The following PCDH15 variants were observed in gnomAD, a reference collection of about 807,000 sequenced individuals.
The protein encoded by PCDH15 is protocadherin related 15, also known as protocadherin-15.
PCDH15 carries 129 observed loss-of-function variants against 178.5 expected under a neutral mutation model. That is an observed-to-expected ratio of 0.72 (90% CI 0.63 to 0.84). The LOEUF (loss-of-function observed/expected upper bound fraction) is 0.84, where lower values mean the gene tolerates loss of function less well. Ranked by LOEUF, PCDH15 falls within the 40% of genes least tolerant of loss-of-function variation. The probability of loss-of-function intolerance (pLI) is 0.00; values close to 1 mark genes in which losing one functional copy is unlikely to be tolerated. For synonymous variants in PCDH15, 800 were observed against 732.0 expected, an observed-to-expected ratio of 1.09 and a Z score of -1.50; for missense variants, 2,230 against 2,099.9, an observed-to-expected ratio of 1.06 and a Z score of -1.21.
intron 1 of PCDH15, among the ~76,000 whole-genome samples, chr10:55,193,888 A>C (rs1840009980): frequency 6.6e-6 from 1 of 151,918 alleles, no homozygotes; most frequent in Non-Finnish European, 1.5e-5. Context: ...AATTAGGTAA[A>C]CTATGGGTCC....
intron 2 of PCDH15, among the ~76,000 whole-genome samples, chr10:54,914,752 A>G (rs1954872827): frequency 6.6e-6 from 1 of 152,214 alleles, no homozygotes; most frequent in Non-Finnish European, 1.5e-5. Flanking sequence ...AAATTCATAG[A>G]ATACTCAGCT....
At chr10:54,747,806 A>AT (rs10628733) in intron 1 of PCDH15, among the ~76,000 whole-genome samples, 17,142 of 135,394 alleles carry the variant, frequency 0.13, 1,480 homozygotes, top group Middle Eastern at 0.22. Flanking sequence ...CAATGGTTAC[A>AT]TTTTTTTTTT....
intron 2 of PCDH15, among the ~76,000 whole-genome samples, chr10:55,034,564 G>A (rs182999375): frequency 6.6e-6 from 1 of 152,064 alleles, no homozygotes; most frequent in Non-Finnish European, 1.5e-5. Context: ...TTTCACTTTA[G>A]GCACAAACTC....
At chr10:55,037,603 A>G (rs1036220962) in intron 2 of PCDH15, among the ~76,000 whole-genome samples, 5 of 152,194 alleles carry the variant, frequency 3.3e-5, no homozygotes, top group Admixed American at 6.5e-5. Context: ...ACATATAGCT[A>G]TTTGACATCA....
At chr10:55,505,901 C>G (rs909141634) in intron 2 of PCDH15, among the ~76,000 whole-genome samples, 1 of 151,144 alleles carries the variant, frequency 6.6e-6, no homozygotes, top group Non-Finnish European at 1.5e-5. Flanking sequence ...TGGCTTTTAA[C>G]TAAGTAAAGA....
chr10:54,593,423 A>G (rs1450758443), intron 2 of PCDH15, among the ~76,000 whole-genome samples: 1 of 152,150 alleles, frequency 6.6e-6, no homozygotes, highest in East Asian at 1.9e-4. Context: ...CATTTATTGA[A>G]GAAAATACCT....
intron 6 of PCDH15, among the ~76,000 whole-genome samples, chr10:54,333,089 T>A (rs1459332679): frequency 6.6e-6 from 1 of 152,046 alleles, no homozygotes. Flanking sequence ...ACTACAGGCA[T>A]GTGCCACCAC....
intron 2 of PCDH15, among the ~76,000 whole-genome samples, chr10:54,599,429 T>C (rs2092418527): frequency 6.6e-6 from 1 of 152,086 alleles, no homozygotes; most frequent in Admixed American, 6.6e-5. Context: ...ATTCAATAAA[T>C]TGTGCTGGGA....
chr10:54,549,630 C>CAGT (rs1405660456), intron 2 of PCDH15, among the ~76,000 whole-genome samples: 2 of 151,468 alleles, frequency 1.3e-5, no homozygotes, highest in African/African-American at 4.8e-5. Flanking sequence ...TACAACTTAA[C>CAGT]AGTAGTAGTA....
chr10:55,072,102 G>A (rs910540010), intron 2 of PCDH15, among the ~76,000 whole-genome samples: 1 of 152,026 alleles, frequency 6.6e-6, no homozygotes, highest in Non-Finnish European at 1.5e-5. Context: ...AAAACAATGT[G>A]TAGAGGGAAA....
intron 2 of PCDH15, among the ~76,000 whole-genome samples, chr10:55,099,237 G>C (rs1842521401): frequency 1.3e-5 from 2 of 152,014 alleles, no homozygotes; most frequent in South Asian, 4.2e-4. Flanking sequence ...TGTTAATTCA[G>C]TCTACTTACA....
chr10:55,311,082 T>C (rs2132288724), intron 1 of PCDH15, among the ~76,000 whole-genome samples: 1 of 152,298 alleles, frequency 6.6e-6, no homozygotes, highest in East Asian at 1.9e-4. Flanking sequence ...TGCAAAAGTA[T>C]TATTTTATGG....
intron 1 of PCDH15, among the ~76,000 whole-genome samples, chr10:54,700,515 A>G (rs1258224883): frequency 6.6e-6 from 1 of 152,168 alleles, no homozygotes; most frequent in African/African-American, 2.4e-5. Context: ...CATTTTAAGA[A>G]AAAACAAAGC....
At chr10:55,626,440 T>G (rs1265384277) in intron 2 of PCDH15, among the ~76,000 whole-genome samples, 1 of 152,198 alleles carries the variant, frequency 6.6e-6, no homozygotes, top group Admixed American at 6.5e-5. Context: ...AGTAGTGTCT[T>G]TATGGAACCA....
chr10:54,387,830 T>C (rs1462490590), intron 3 of PCDH15, among the ~76,000 whole-genome samples: 2 of 152,180 alleles, frequency 1.3e-5, no homozygotes, highest in Non-Finnish European at 2.9e-5. Flanking sequence ...TCCTTGGCAA[T>C]ATTCATCGTC....
intron 2 of PCDH15, among the ~76,000 whole-genome samples, chr10:55,077,519 T>G: frequency 6.8e-6 from 1 of 148,148 alleles, no homozygotes; most frequent in Admixed American, 6.8e-5. Flanking sequence ...TCCTTCCTTC[T>G]TTCCTTCCTT....
At chr10:54,754,495 G>A (rs191166051) in intron 1 of PCDH15, among the ~76,000 whole-genome samples, 14 of 151,978 alleles carry the variant, frequency 9.2e-5, no homozygotes, top group East Asian at 5.8e-4. Context: ...TTAATATGCC[G>A]ACACACATCT....
intron 2 of PCDH15, among the ~76,000 whole-genome samples, chr10:55,404,310 G>T (rs1024498500): frequency 1.3e-5 from 2 of 151,994 alleles, no homozygotes; most frequent in Admixed American, 1.3e-4. Flanking sequence ...CCAGCAAAGT[G>T]ACCACAGATA....
At chr10:55,104,417 T>G (rs2132049101) in intron 2 of PCDH15, among the ~76,000 whole-genome samples, 1 of 152,288 alleles carries the variant, frequency 6.6e-6, no homozygotes, top group African/African-American at 2.4e-5. Context: ...AAGCTTTAGA[T>G]TTTTCACCTT....
Sources: allele counts gnomAD v4.1 joint callset (sites outside exome capture counted in the v4.1 genomes callset), GRCh38; gene constraint gnomAD v4.1.1; transcripts MANE v1.5; gene names NCBI Gene and HGNC (gene_info 2026-07-23, HGNC 2026-07-21).